Variants in ME3 observed in about 807,000 individuals in gnomAD.
The protein encoded by ME3 is malic enzyme 3.
Under a neutral mutation model 68.9 loss-of-function variants are expected in ME3, and 48 were observed. The observed-to-expected ratio is 0.70, with a 90% CI of 0.55 to 0.89. The LOEUF is 0.89. Among genes scored for constraint, ME3 ranks in the 40% least tolerant of loss-of-function variants. The pLI is 0.00. For synonymous variants in ME3, 320 were observed against 318.8 expected, an observed-to-expected ratio of 1.00 and a Z score of -0.04; for missense variants, 675 against 797.4, an observed-to-expected ratio of 0.85 and a Z score of 1.85.
intron 2 of ME3, among the ~76,000 whole-genome samples, chr11:86,656,467 G>A (rs1274127941): frequency 1.3e-5 from 2 of 151,936 alleles, no homozygotes; most frequent in Non-Finnish European, 2.9e-5. Flanking sequence ...ATCAAACTGG[G>A]AACCATCATT....
At chr11:86,595,997 C>T (rs1275217742) in intron 2 of ME3, among the ~76,000 whole-genome samples, 1 of 152,210 alleles carries the variant, frequency 6.6e-6, no homozygotes, top group Non-Finnish European at 1.5e-5. Flanking sequence ...TTTAGAAATT[C>T]CAACAAGTGT....
intron 2 of ME3, among the ~76,000 whole-genome samples, chr11:86,607,985 T>C (rs891280069): frequency 2.6e-5 from 4 of 152,146 alleles, no homozygotes; most frequent in African/African-American, 9.7e-5. Flanking sequence ...CTATGAGGTA[T>C]TTCCCACATG....
At chr11:86,449,585 TGTG>T (rs1184054073) in intron 10 of ME3, among the ~76,000 whole-genome samples, 5 of 152,122 alleles carry the variant, frequency 3.3e-5, no homozygotes, top group Non-Finnish European at 7.4e-5. Context: ...TGTGTAAAGA[TGTG>T]GAAGACAGAG....
intron 4 of ME3, among the ~76,000 whole-genome samples, chr11:86,529,601 T>C (rs1265278735): frequency 6.6e-6 from 1 of 151,942 alleles, no homozygotes; most frequent in Non-Finnish European, 1.5e-5. Context: ...CGATGCAAAA[T>C]TCCTCAATAA....
intron 4 of ME3, among the ~76,000 whole-genome samples, chr11:86,516,383 G>GTATA (rs373878994): frequency 3.3e-5 from 5 of 150,254 alleles, no homozygotes; most frequent in African/African-American, 9.8e-5. Context: ...GTGTGTGTGT[G>GTATA]TATATATATA....
chr11:86,567,245 AG>A (rs748812485), intron 2 of ME3, among the ~76,000 whole-genome samples: 32 of 65,478 alleles, frequency 4.9e-4, no homozygotes, highest in Middle Eastern at 0.012. Flanking sequence ...AAAGAAAGAA[AG>A]GAAGGAAGGA....
exon 2 of ME3, chr11:86,671,817 G>A (rs769511538): frequency 6.2e-7 from 1 of 1,601,956 alleles, no homozygotes; most frequent in South Asian, 1.1e-5. Flanking sequence ...CAGGGGCACA[G>A]GGCGCGCCGG....
intron 2 of ME3, among the ~76,000 whole-genome samples, chr11:86,627,788 C>T (rs1041418474): frequency 6.6e-6 from 1 of 152,116 alleles, no homozygotes; most frequent in African/African-American, 2.4e-5. Context: ...CATACTTGTA[C>T]CAAAGAAAAA....
intron 8 of ME3, 28 bp downstream of exon 8, chr11:86,465,063 A>G (rs1950410534): frequency 1.3e-6 from 2 of 1,544,120 alleles, no homozygotes; most frequent in Non-Finnish European, 1.8e-6. Flanking sequence ...AGTCCCCTGT[A>G]GCTTCATCAG....
chr11:86,446,562 C>A (rs1425253339), intron 12 of ME3, 75 bp from the exon 13 acceptor site: 3 of 1,433,486 alleles, frequency 2.1e-6, no homozygotes, highest in East Asian at 2.4e-5. Context: ...TTCTTATCTT[C>A]CAAATGTTGG....
intron 2 of ME3, among the ~76,000 whole-genome samples, chr11:86,648,872 C>A (rs953613517): frequency 2.0e-5 from 3 of 152,232 alleles, no homozygotes; most frequent in African/African-American, 7.2e-5. Context: ...GGATTCACAG[C>A]CAAATTCCAC....
At chr11:86,587,445 G>A (rs1367845884) in intron 2 of ME3, among the ~76,000 whole-genome samples, 3 of 152,136 alleles carry the variant, frequency 2.0e-5, no homozygotes, top group Non-Finnish European at 2.9e-5. Context: ...GTTCCAGATG[G>A]GTGGGTCTCT....
chr11:86,546,385 G>A (rs1349563938), intron 4 of ME3, among the ~76,000 whole-genome samples: 1 of 152,124 alleles, frequency 6.6e-6, no homozygotes, highest in East Asian at 1.9e-4. Flanking sequence ...GCAGCCTACA[G>A]AATGGGAGAA....
chr11:86,472,259 G>C (rs1950823554), intron 7 of ME3, among the ~76,000 whole-genome samples: 1 of 152,198 alleles, frequency 6.6e-6, no homozygotes, highest in African/African-American at 2.4e-5. Flanking sequence ...ATGAGCCTTG[G>C]TGGAATGCAG....
chr11:86,578,466 C>G (rs2139594391), intron 2 of ME3, among the ~76,000 whole-genome samples: 1 of 152,198 alleles, frequency 6.6e-6, no homozygotes, highest in South Asian at 2.1e-4. Context: ...ACATGCATTC[C>G]TGGTGCGTGC....
chr11:86,461,652 A>C (rs1950228855), intron 8 of ME3, among the ~76,000 whole-genome samples: 1 of 152,078 alleles, frequency 6.6e-6, no homozygotes, highest in Admixed American at 6.5e-5. Context: ...CCCTGGTGGG[A>C]TGGCGAGGTG....
At chr11:86,629,940 G>A (rs551380881) in intron 2 of ME3, among the ~76,000 whole-genome samples, 1 of 152,242 alleles carries the variant, frequency 6.6e-6, no homozygotes, top group South Asian at 2.1e-4. Flanking sequence ...ATGACAATGA[G>A]GTGGTATGAA....
chr11:86,660,916 T>A (rs570197546), intron 2 of ME3, among the ~76,000 whole-genome samples: 1 of 151,680 alleles, frequency 6.6e-6, no homozygotes, highest in Non-Finnish European at 1.5e-5. Context: ...CCAGTCCCCA[T>A]GGAGTGATCT....
chr11:86,449,648 A>G (rs1480087771), intron 10 of ME3, among the ~76,000 whole-genome samples: 1 of 152,220 alleles, frequency 6.6e-6, no homozygotes, highest in Non-Finnish European at 1.5e-5. Context: ...AGGCTAGTGC[A>G]AGTCAGGAAG....
Sources: gnomAD v4.1 joint callset for allele counts (sites outside exome capture counted in the v4.1 genomes callset) on GRCh38, gnomAD v4.1.1 for gene constraint, MANE v1.5 for transcripts, NCBI Gene and HGNC (gene_info 2026-07-23, HGNC 2026-07-21) for gene names.